Variants in LRRC19 observed in about 807,000 individuals in gnomAD.
LRRC19 encodes the protein leucine-rich repeat-containing protein 19.
LRRC19 carries 33 observed loss-of-function variants against 33.3 expected under a neutral mutation model. The ratio of observed to expected loss-of-function variants is 0.99; its 90% CI spans 0.75 to 1.33. The LOEUF is 1.33. LRRC19 is among the 40% of genes most tolerant of loss of function. The pLI, the probability that LRRC19 is intolerant of heterozygous loss-of-function variation, is 0.00. For missense variants in LRRC19, 463 were observed against 417.3 expected (o/e 1.11, Z -0.95); for synonymous variants, 184 against 152.3 (o/e 1.21, Z -1.53).
intron 3 of LRRC19, among the ~76,000 whole-genome samples, chr9:26,997,356 CAG>C (rs1396346934): frequency 6.0e-4 from 67 of 111,638 alleles, no homozygotes; most frequent in African/African-American, 2.2e-3. Flanking sequence ...TTTTTTGAGA[CAG>C]AGTCTCACTC....
chr9:27,000,567 AT>A (rs1461999688), intron 1 of LRRC19, among the ~76,000 whole-genome samples: 1 of 152,212 alleles, frequency 6.6e-6, no homozygotes, highest in Non-Finnish European at 1.5e-5. Context: ...GTGCATTCAT[AT>A]AATTTTTAAA....
chr9:27,001,759 C>G (rs1828502899), intron 1 of LRRC19, among the ~76,000 whole-genome samples: 2 of 151,942 alleles, frequency 1.3e-5, no homozygotes, highest in South Asian at 2.1e-4. Flanking sequence ...TTTTCTCATT[C>G]CGTGGGTTGT....
rs1421286127 is a variant in LRRC19 at position 26,996,410 on chromosome 9, T to C, written c.685A>G (p.Lys229Glu). Residue 229 changes from lysine (K) to glutamate (E), a missense_variant, in exon 4 of 5, where the codon AAA becomes GAA. Lys to Glu is a moderately conservative substitution (Grantham distance 56, BLOSUM62 1). Transcript: ENST00000380055. ...TCTTCAGTTACTGATGAAGGAAATT[T>C]TGAGTGGCATTCAGCCTTATGAGGT... ...TVPHKAECHS[K>E]FPSSVTEDLY... 7 of 1,610,534 alleles carry C rather than the reference T, an allele frequency of 4.3e-6. No individual in the cohort carries two copies. The African/African-American group carries it at 9.3e-5, about 22-fold the overall frequency.
At chr9:27,000,786 C>G (rs1017480991) in intron 1 of LRRC19, among the ~76,000 whole-genome samples, 1 of 152,112 alleles carries the variant, frequency 6.6e-6, no homozygotes, top group Non-Finnish European at 1.5e-5. Flanking sequence ...ACATGTTTAC[C>G]TATGTAACAA....
intron 3 of LRRC19, 133 bp downstream of exon 3, chr9:26,997,595 T>C (rs1828232834): frequency 1.1e-6 from 1 of 932,806 alleles, no homozygotes; most frequent in African/African-American, 1.7e-5. Flanking sequence ...TGGCCTCCCA[T>C]AGTGATGGGA....
Position 26,993,641 on chromosome 9 carries a change from T to C in LRRC19, c.*1880A>G, listed in dbSNP as rs925094065. 6.6e-6 allele frequency: 1 copy of C among 152,324 alleles called. No individual in the cohort carries two copies. Among genetic ancestry groups the C allele is most frequent in the South Asian group, 2.1e-4 (1 of 4,834 alleles). The allele number at this position is 152,324 out of a possible 1,614,324, so 9.4% of individuals were successfully genotyped here. A position where few individuals can be genotyped will look rare whatever the true frequency, so the allele number is the denominator to read the frequency against. Reference sequence around the variant, plus strand: ...CTCTTTTTTCTAAGGAATTGTCAAGTACATACAAATTTTTAAAACTTTATT... The same window carrying C: ...CTCTTTTTTCTAAGGAATTGTCAAGCACATACAAATTTTTAAAACTTTATT... On this transcript the variant is annotated 3_prime_UTR_variant, in exon 5 of 5. Transcript: ENST00000380055.
In LRRC19 at chr9:26,993,633, T is replaced by C. The variant is rs1459717370; in HGVS notation, c.*1888A>G. 1 of 152,358 alleles carries C rather than the reference T, an allele frequency of 6.6e-6. No individual in the cohort carries two copies. The highest frequency in any genetic ancestry group is 2.4e-5 in the African/African-American group (1 of 41,458). The allele number at this position is 152,358 out of a possible 1,614,324, so 9.4% of individuals were successfully genotyped here. ...ATTTTAGCCTCTTTTTTCTAAGGAA[T>C]TGTCAAGTACATACAAATTTTTAAA... is the stretch of plus-strand genomic sequence containing the variant. On this transcript the variant is annotated 3_prime_UTR_variant, in exon 5 of 5. Transcript: ENST00000380055.
At chr9:27,000,833 A>G (rs977553437) in intron 1 of LRRC19, among the ~76,000 whole-genome samples, 2 of 152,156 alleles carry the variant, frequency 1.3e-5, no homozygotes, top group African/African-American at 4.8e-5. Flanking sequence ...GGAACTTAAA[A>G]ATAAAAGTTG....
intron 1 of LRRC19, among the ~76,000 whole-genome samples, chr9:27,004,731 A>G (rs969716955): frequency 2.0e-5 from 3 of 152,194 alleles, no homozygotes; most frequent in African/African-American, 7.2e-5. Context: ...GTTGAGTTTC[A>G]TATAGTGATT....
In LRRC19 at chr9:26,995,560, G is replaced by T. The variant is rs201188831; in HGVS notation, c.1074C>A (p.Asp358Glu). 1.3e-6 allele frequency: 2 copies of T among 1,596,546 alleles called. No homozygotes were observed. Among genetic ancestry groups the T allele is most frequent in the East Asian group, 4.5e-5 (2 of 44,720 alleles). ...ATAATTCATGGATATCTATATATTTGTCTTCAATAAATCCATCATCATCTA... is the reference window on the plus strand; with the variant it reads ...ATAATTCATGGATATCTATATATTTTTCTTCAATAAATCCATCATCATCTA... Reference protein sequence around the residue: ...FVVDDDGFIEDKYIDIHELCE... With the variant: ...FVVDDDGFIEEKYIDIHELCE... The change falls in exon 5 of 5, where the codon GAC becomes GAA. Residue 358 changes from aspartate to glutamate, a missense_variant. Asp to Glu is a conservative substitution (Grantham distance 45). Transcript: ENST00000380055.
chr9:27,005,553 AT>A (rs967211104), intron 1 of LRRC19, 38 bp downstream of exon 1: 57 of 151,986 alleles, frequency 3.8e-4, no homozygotes, highest in African/African-American at 1.4e-3. Flanking sequence ...ATTAAAAAAA[AT>A]ACAACAATAA....
At position 26,999,721 on chromosome 9, in the gene LRRC19, A is replaced by G. The variant is rs756931671; in HGVS notation, c.-9-18T>C. 2.3e-6 allele frequency: 3 copies of G among 1,310,812 alleles called. No homozygotes were observed. The highest frequency in any genetic ancestry group is 3.1e-6 in the Non-Finnish European group (3 of 967,446). 81.2% of individuals were successfully genotyped at this position (1,310,812 alleles called of 1,614,324 possible). On this transcript the variant is annotated intron_variant, in intron 1 of 4. Transcript: ENST00000380055. Reference sequence around the variant, plus strand: ...TTGCAGACCTGATAGAAAAGAGAGTATTTTCATTAAGGACATTTTTATTTT... The same window carrying G: ...TTGCAGACCTGATAGAAAAGAGAGTGTTTTCATTAAGGACATTTTTATTTT...
intron 2 of LRRC19, among the ~76,000 whole-genome samples, chr9:26,999,386 T>C (rs1300078245): frequency 6.6e-6 from 1 of 152,186 alleles, no homozygotes; most frequent in Non-Finnish European, 1.5e-5. Context: ...TCTGATTTTA[T>C]AGTGAAAATT....
intron 4 of LRRC19, 91 bp downstream of exon 4, chr9:26,996,219 AT>A (rs1282213772): frequency 1.2e-6 from 1 of 828,730 alleles, no homozygotes; most frequent in African/African-American, 1.8e-5. Flanking sequence ...TTTCTTTTAC[AT>A]TTTTTATACA....
intron 2 of LRRC19, among the ~76,000 whole-genome samples, chr9:26,999,116 G>A (rs73436044): frequency 0.065 from 9,892 of 152,222 alleles, 380 homozygotes; most frequent in Middle Eastern, 0.16. Context: ...TATCAGAAAT[G>A]GAGCCAGGTA....
At chr9:27,000,131 C>T (rs891023914) in intron 1 of LRRC19, among the ~76,000 whole-genome samples, 6 of 152,092 alleles carry the variant, frequency 3.9e-5, no homozygotes, top group African/African-American at 1.4e-4. Flanking sequence ...AAGTGCATGG[C>T]CATTCACCAT....
At chr9:27,002,838 A>T (rs760820199) in intron 1 of LRRC19, among the ~76,000 whole-genome samples, 1 of 151,866 alleles carries the variant, frequency 6.6e-6, no homozygotes, top group Non-Finnish European at 1.5e-5. Flanking sequence ...GCGTCACTGT[A>T]TTTTGATAGG....
In LRRC19 at chr9:26,998,256, AAAAG is replaced by A. The variant is rs1436035219; in HGVS notation, c.82-19_82-16del. On this transcript the variant is annotated splice_polypyrimidine_tract_variant and intron_variant, in intron 2 of 4. Transcript: ENST00000380055. Reference sequence around the variant, plus strand: ...CATTGGACTTCCTAGAAAAACAAAAAAAAGAAAGGCATTAATCAGAAAAAAAATT... The same window carrying A: ...CATTGGACTTCCTAGAAAAACAAAAAAAAGGCATTAATCAGAAAAAAAATT... The A allele has an allele frequency of 2.9e-6, 4 of 1,375,694 alleles. No homozygotes were observed. The highest frequency in any genetic ancestry group is 2.6e-5 in the Admixed American group (1 of 38,270). The allele number at this position is 1,375,694 out of a possible 1,614,324, so 85.2% of individuals were successfully genotyped here. A position where few individuals can be genotyped will look rare whatever the true frequency, so the allele number is the denominator to read the frequency against.
chr9:27,004,382 G>C (rs117292791), intron 1 of LRRC19, among the ~76,000 whole-genome samples: 1 of 152,240 alleles, frequency 6.6e-6, no homozygotes, highest in East Asian at 1.9e-4. Context: ...CTAAAGCATC[G>C]TTAGGTCTGA....
Sources: gnomAD v4.1 joint callset for allele counts (sites outside exome capture counted in the v4.1 genomes callset) on GRCh38, gnomAD v4.1.1 for gene constraint, MANE v1.5 for transcripts, NCBI Gene and HGNC (gene_info 2026-07-23, HGNC 2026-07-21) for gene names.